Variants in SDK1 observed in about 807,000 individuals in gnomAD.
The protein encoded by SDK1 is protein sidekick-1.
SDK1 carries 157 observed loss-of-function variants against 245.5 expected under a neutral mutation model. The observed-to-expected ratio is 0.64, with a 90% CI of 0.56 to 0.73. SDK1 has a LOEUF of 0.73. Among genes scored for constraint, SDK1 ranks in the 30% least tolerant of loss-of-function variants. The pLI, the probability that SDK1 is intolerant of heterozygous loss-of-function variation, is 0.00. For synonymous variants in SDK1, 1,647 were observed against 1,278.5 expected, an observed-to-expected ratio of 1.29 and a Z score of -6.15; for missense variants, 3,583 against 3,002.3, an observed-to-expected ratio of 1.19 and a Z score of -4.52.
intron 1 of SDK1, among the ~76,000 whole-genome samples, chr7:3,448,149 A>G (rs1265218410): frequency 1.3e-5 from 2 of 152,186 alleles, no homozygotes; most frequent in Admixed American, 6.5e-5. Context: ...GCAGTCTTGT[A>G]TAAGGTTCAT....
chr7:3,774,636 A>G (rs927815372), intron 4 of SDK1, among the ~76,000 whole-genome samples: 51 of 152,162 alleles, frequency 3.4e-4, no homozygotes, highest in Admixed American at 3.0e-3. Context: ...TGCCAGTGCA[A>G]TTGTTGTCCA....
chr7:4,083,611 T>G (rs1278394045), intron 22 of SDK1, among the ~76,000 whole-genome samples: 1 of 106,210 alleles, frequency 9.4e-6, no homozygotes, highest in Non-Finnish European at 1.8e-5. Context: ...CTCCCTCCCT[T>G]CTCTTGTCCC....
chr7:3,979,864 C>A (rs1026589536), intron 13 of SDK1, among the ~76,000 whole-genome samples: 3 of 152,162 alleles, frequency 2.0e-5, no homozygotes, highest in Admixed American at 6.5e-5. Context: ...CATTTAAAGA[C>A]CCAATTAGCA....
intron 5 of SDK1, among the ~76,000 whole-genome samples, chr7:3,950,042 A>G (rs1171269804): frequency 1.3e-5 from 2 of 152,228 alleles, no homozygotes; most frequent in African/African-American, 4.8e-5. Context: ...TAACTCAGTA[A>G]GCAAACTCTT....
chr7:3,646,486 G>A (rs1043472838), intron 4 of SDK1, among the ~76,000 whole-genome samples: 1 of 151,992 alleles, frequency 6.6e-6, no homozygotes, highest in African/African-American at 2.4e-5. Flanking sequence ...GGTATAATTA[G>A]CTCTATGTAT....
At chr7:4,125,938 G>A (rs1040544431) in intron 25 of SDK1, among the ~76,000 whole-genome samples, 31 of 152,110 alleles carry the variant, frequency 2.0e-4, no homozygotes, top group Admixed American at 4.6e-4. Context: ...CCCTGAGTCC[G>A]GCCTTACTCC....
chr7:3,809,232 C>A (rs962635112), intron 4 of SDK1, among the ~76,000 whole-genome samples: 2 of 152,068 alleles, frequency 1.3e-5, no homozygotes, highest in African/African-American at 4.8e-5. Context: ...GTGCCACACA[C>A]TTTTAAACAG....
intron 1 of SDK1, among the ~76,000 whole-genome samples, chr7:3,415,468 A>G (rs528932867): frequency 1.3e-5 from 2 of 152,132 alleles, no homozygotes; most frequent in Non-Finnish European, 2.9e-5. Flanking sequence ...TTAAAAAACA[A>G]CGGTGAAAAA....
chr7:3,589,513 A>C (rs1188063976), intron 1 of SDK1, among the ~76,000 whole-genome samples: 1 of 152,212 alleles, frequency 6.6e-6, no homozygotes, highest in Non-Finnish European at 1.5e-5. Context: ...TTCATATTGC[A>C]TGAAGAAATA....
At chr7:3,325,924 A>G (rs1472758537) in intron 1 of SDK1, among the ~76,000 whole-genome samples, 1 of 152,124 alleles carries the variant, frequency 6.6e-6, no homozygotes, top group East Asian at 1.9e-4. Flanking sequence ...TGAGAGGCCT[A>G]GGAAAGAACC....
intron 1 of SDK1, among the ~76,000 whole-genome samples, chr7:3,540,868 CTG>C (rs1779034469): frequency 6.6e-6 from 1 of 152,160 alleles, no homozygotes; most frequent in African/African-American, 2.4e-5. Context: ...TTACATGAAA[CTG>C]TCAAGGAATC....
At chr7:4,193,655 C>T (rs1383464846) in intron 35 of SDK1, among the ~76,000 whole-genome samples, 1 of 152,078 alleles carries the variant, frequency 6.6e-6, no homozygotes, top group African/African-American at 2.4e-5. Flanking sequence ...CCTTAACTTG[C>T]AGGTCAGCCA....
chr7:3,499,391 A>G (rs907817322), intron 1 of SDK1, among the ~76,000 whole-genome samples: 5 of 152,182 alleles, frequency 3.3e-5, no homozygotes, highest in African/African-American at 1.2e-4. Context: ...GATGTATGCC[A>G]CATAAAGAAA....
intron 1 of SDK1, among the ~76,000 whole-genome samples, chr7:3,368,735 T>C (rs1258836047): frequency 6.6e-6 from 1 of 152,174 alleles, no homozygotes; most frequent in African/African-American, 2.4e-5. Flanking sequence ...GTCTTCCCAC[T>C]CTATTCCAAA....
At chr7:4,213,783 C>T (rs1784633864) in intron 38 of SDK1, among the ~76,000 whole-genome samples, 1 of 152,148 alleles carries the variant, frequency 6.6e-6, no homozygotes, top group Non-Finnish European at 1.5e-5. Flanking sequence ...CATCTGGCTT[C>T]CCTTGTGTTT....
At position 4,161,813 on chromosome 7, in the gene SDK1, C is replaced by T. The variant is rs1258039708; in HGVS notation, c.4757C>T (p.Ser1586Leu). ...DVPGEPPGSV[S>L]ATPHTTSSVL... ...CCAGGAGAGCCCCCGGGATCTGTCT[C>T]AGCGACGCCACACACCACGTCCTCT... The change falls in exon 32 of 45, where the codon TCA becomes TTA. Residue 1586 changes from serine to leucine, a missense_variant. Transcript: ENST00000404826. 1.2e-6 allele frequency: 2 copies of T among 1,614,188 alleles called. No homozygotes were observed. The highest frequency in any genetic ancestry group is 1.7e-5 in the Admixed American group (1 of 60,038).
intron 42 of SDK1, 72 bp from the exon 43 acceptor site, chr7:4,241,721 A>C (rs1271623539): frequency 6.3e-7 from 1 of 1,595,780 alleles, no homozygotes; most frequent in Non-Finnish European, 8.6e-7. Flanking sequence ...CCCGCTGGCC[A>C]GCTCTGGCTT....
intron 4 of SDK1, among the ~76,000 whole-genome samples, chr7:3,711,421 A>C (rs1162783301): frequency 1.3e-5 from 2 of 152,222 alleles, no homozygotes; most frequent in South Asian, 4.1e-4. Flanking sequence ...AAACAAATGA[A>C]TAAACAAGAT....
intron 17 of SDK1, among the ~76,000 whole-genome samples, chr7:4,020,068 C>T (rs559646788): frequency 1.3e-5 from 2 of 152,160 alleles, no homozygotes; most frequent in East Asian, 3.9e-4. Flanking sequence ...AACCCTAAAC[C>T]TATTCCTGGG....
Sources: gnomAD v4.1 joint callset for allele counts (sites outside exome capture counted in the v4.1 genomes callset) on GRCh38, gnomAD v4.1.1 for gene constraint, MANE v1.5 for transcripts, NCBI Gene and HGNC (gene_info 2026-07-23, HGNC 2026-07-21) for gene names.